NUP107: variants seen among roughly 807,000 people sequenced by gnomAD.
NUP107 encodes the protein nucleoporin 107.
Under a neutral mutation model 141.0 loss-of-function variants are expected in NUP107, and 101 were observed. The ratio of observed to expected loss-of-function variants is 0.72; its 90% CI spans 0.61 to 0.84. The LOEUF (loss-of-function observed/expected upper bound fraction) is 0.84, where lower values mean the gene tolerates loss of function less well. Ranked by LOEUF, NUP107 falls within the 40% of genes least tolerant of loss-of-function variation. NUP107 has a pLI of 0.00. For synonymous variants in NUP107, 319 were observed against 363.9 expected (o/e 0.88, Z 1.41); for missense variants, 941 against 1,102.7 (o/e 0.85, Z 2.08).
intron 4 of NUP107, 103 bp downstream of exon 4, chr12:68,690,849 C>T (rs1345937091): frequency 1.1e-5 from 12 of 1,138,174 alleles, no homozygotes; most frequent in Middle Eastern, 2.4e-4. Flanking sequence ...GTGATTCTCC[C>T]GCCTTGGCCT....
At chr12:68,729,161 C>A (rs781066086) in intron 20 of NUP107, among the ~76,000 whole-genome samples, 1 of 152,194 alleles carries the variant, frequency 6.6e-6, no homozygotes, top group Non-Finnish European at 1.5e-5. Context: ...TGGATACTCA[C>A]AGCACTTGAG....
At position 68,726,630 on chromosome 12, in the gene NUP107, G is replaced by C; in HGVS notation, c.1695+13G>C. 2 of 1,488,566 alleles carry C rather than the reference G, an allele frequency of 1.3e-6. No individual in the cohort carries two copies. Among genetic ancestry groups the C allele is most frequent in the Non-Finnish European group, 1.9e-6 (2 of 1,067,708 alleles). 92.2% of individuals were successfully genotyped at this position (1,488,566 alleles called of 1,614,324 possible). ...ACTACAGACCAAGGTATATAAAAAT[G>C]AACGATTTCTTCTTCTCTGTAATGT... On this transcript the variant is annotated intron_variant, in intron 19 of 27. Transcript: ENST00000229179.
chr12:68,735,341 A>G lies in NUP107; in HGVS notation c.2499A>G (p.Arg833=). ...ATGGAGGGTGGATGGTGGATGTTAGAGAGGTAAGCTGTGTGCATTGTTTAT... is the reference window on the plus strand; with the variant it reads ...ATGGAGGGTGGATGGTGGATGTTAGGGAGGTAAGCTGTGTGCATTGTTTAT... ...FVDGGWMVDV[R]EDAKEDHERT... is the part of the protein sequence containing the mutation. The change falls in exon 26 of 28, where the codon AGA becomes AGG. Residue 833 remains arginine (R), a synonymous_variant. Coordinates refer to ENST00000229179, the MANE Select transcript of NUP107 (RefSeq NM_020401.4). The G allele has an allele frequency of 1.2e-6, 2 of 1,611,426 alleles. No homozygotes were observed. Among genetic ancestry groups the G allele is most frequent in the South Asian group, 1.1e-5 (1 of 91,032 alleles).
At position 68,697,434 on chromosome 12, in the gene NUP107, A is replaced by G. The variant is rs1030662947; in HGVS notation, c.552+512A>G. On this transcript the variant is annotated intron_variant, in intron 6 of 27. Coordinates refer to ENST00000229179, the MANE Select transcript of NUP107 (RefSeq NM_020401.4). ...GTAGACCCTGTCTGAAGGAAAATCT[A>G]AAATATACGAGGAATATTTAGAACT... Among the ~76,000 whole-genome samples, 5 of 142,932 alleles carry G rather than the reference A, an allele frequency of 3.5e-5. No homozygotes were observed. In the East Asian group the frequency reaches 1.1e-3, roughly 31 times the overall value. 93.8% of individuals were successfully genotyped at this position (142,932 alleles called of 152,430 possible).
At chr12:68,698,076 A>G (rs988037577) in intron 6 of NUP107, among the ~76,000 whole-genome samples, 3 of 152,070 alleles carry the variant, frequency 2.0e-5, no homozygotes, top group African/African-American at 7.2e-5. Flanking sequence ...ATGTCATTAG[A>G]GAATTGCAAA....
intron 4 of NUP107, 112 bp from the exon 5 acceptor site, chr12:68,691,856 A>AT: frequency 1.1e-5 from 9 of 824,336 alleles, no homozygotes; most frequent in Non-Finnish European, 1.6e-5. Flanking sequence ...AAAAAAAAAA[A>AT]GACGCATACA....
At chr12:68,702,701 A>T (rs765484172) in intron 7 of NUP107, 35 bp from the exon 8 acceptor site, 2 of 1,460,892 alleles carry the variant, frequency 1.4e-6, no homozygotes, top group Admixed American at 4.5e-5. Flanking sequence ...TTCGTGTGAA[A>T]TAAGGCTTTT....
chr12:68,692,198 T>C (rs1875831637), intron 5 of NUP107, 86 bp downstream of exon 5: 1 of 1,298,352 alleles, frequency 7.7e-7, no homozygotes, highest in Non-Finnish European at 1.0e-6. Context: ...TGAACGTCAT[T>C]ATGTTTTTCT....
At chr12:68,692,495 C>T (rs1418625691) in intron 5 of NUP107, among the ~76,000 whole-genome samples, 4 of 151,628 alleles carry the variant, frequency 2.6e-5, no homozygotes, top group African/African-American at 4.8e-5. Flanking sequence ...AGGAGAATCG[C>T]TTGAACCCGG....
chr12:68,693,342 C>T (rs1300036025), intron 5 of NUP107, among the ~76,000 whole-genome samples: 3 of 151,954 alleles, frequency 2.0e-5, no homozygotes, highest in African/African-American at 7.3e-5. Flanking sequence ...CTCCCAAAGT[C>T]CTGAGATTAC....
chr12:68,690,732 G>A lies in NUP107; in HGVS notation c.289G>A (p.Gly97Arg). ...PRLTQSSGFF[G>R]NLSMVTNLDD... Reference sequence around the variant, plus strand: ...ACTTACGCAGTCTTCAGGGTTCTTTGGAAATCTCTCCATGGTATGTAGAAA... The same window carrying A: ...ACTTACGCAGTCTTCAGGGTTCTTTAGAAATCTCTCCATGGTATGTAGAAA... The change falls in exon 4 of 28, where the codon GGA (glycine) becomes AGA (arginine). Residue 97 changes from glycine to arginine, a missense_variant. Gly to Arg is a moderately radical substitution (Grantham distance 125). Transcript: ENST00000229179. The A allele has an allele frequency of 6.2e-7, 1 of 1,614,056 alleles. No individual in the cohort carries two copies. The highest frequency in any genetic ancestry group is 8.5e-7 in the Non-Finnish European group (1 of 1,179,978).
intron 10 of NUP107, 120 bp from the exon 11 acceptor site, chr12:68,713,610 T>G: frequency 1.4e-6 from 1 of 722,610 alleles, no homozygotes; most frequent in Non-Finnish European, 2.3e-6. Context: ...TATTAAGGAT[T>G]TTTGCATGTT....
chr12:68,689,328 C>G (rs1397235348), intron 2 of NUP107, among the ~76,000 whole-genome samples: 1 of 152,144 alleles, frequency 6.6e-6, no homozygotes, highest in Non-Finnish European at 1.5e-5. Flanking sequence ...ACATTTAGTT[C>G]AGTGTGTAGT....
In NUP107 at chr12:68,716,667, G is replaced by T. The variant is rs552104873; in HGVS notation, c.1083+927G>T. Among the ~76,000 whole-genome samples the T allele has an allele frequency of 2.0e-5, 3 of 152,282 alleles. No individual in the cohort carries two copies. The South Asian group carries it at 6.2e-4, about 32-fold the overall frequency. ...CCTTTTAACCTTACCTTTTAAAAAT[G>T]TGGGTGATAGTTAATATCTTATATG... On this transcript the variant is annotated intron_variant, in intron 12 of 27. Coordinates refer to ENST00000229179, the MANE Select transcript of NUP107 (RefSeq NM_020401.4).
At chr12:68,689,402 GA>G in intron 2 of NUP107, 130 bp from the exon 3 acceptor site, 2 of 601,600 alleles carry the variant, frequency 3.3e-6, no homozygotes, top group Non-Finnish European at 2.9e-6. Context: ...CCTTTGCATT[GA>G]AAAATGGTAG....
intron 21 of NUP107, 53 bp from the exon 22 acceptor site, chr12:68,731,554 T>A: frequency 9.9e-7 from 1 of 1,007,232 alleles, no homozygotes; most frequent in Middle Eastern, 2.4e-4. Flanking sequence ...ATTTAGAGAA[T>A]ATTAGTATCA....
chr12:68,731,324 A>G, intron 21 of NUP107, 64 bp downstream of exon 21: 1 of 1,467,746 alleles, frequency 6.8e-7, no homozygotes, highest in Non-Finnish European at 9.2e-7. Context: ...TGGCTGTAGT[A>G]ACATTTGTCC....
intron 26 of NUP107, 129 bp from the exon 27 acceptor site, chr12:68,741,684 C>A: frequency 2.8e-6 from 2 of 711,694 alleles, no homozygotes; most frequent in Non-Finnish European, 4.6e-6. Context: ...CGTTGTTCAT[C>A]TTCATACTTT....
intron 3 of NUP107, 43 bp from the exon 4 acceptor site, chr12:68,690,588 G>T: frequency 1.2e-6 from 2 of 1,612,690 alleles, no homozygotes; most frequent in Non-Finnish European, 1.7e-6. Flanking sequence ...GATAATGAAT[G>T]CTCACGCACT....
Sources: gnomAD v4.1 joint callset for allele counts (sites outside exome capture counted in the v4.1 genomes callset) on GRCh38, gnomAD v4.1.1 for gene constraint, MANE v1.5 for transcripts, NCBI Gene and HGNC (gene_info 2026-07-23, HGNC 2026-07-21) for gene names.